TUT4: variants seen among roughly 807,000 people sequenced by gnomAD.
TUT4 encodes terminal uridylyltransferase 4.
In TUT4, 36 loss-of-function variants were observed where a neutral mutation model predicts 192.2. The observed-to-expected ratio is 0.19, with a 90% CI of 0.14 to 0.25. The LOEUF is 0.25. Among genes scored for constraint, TUT4 ranks in the 10% least tolerant of loss-of-function variants. TUT4 has a pLI of 1.00. For missense variants in TUT4, 1,493 were observed against 1,957.2 expected (o/e 0.76, Z 4.47); for synonymous variants, 618 against 666.0 (o/e 0.93, Z 1.11).
At chr1:52,494,751 C>A (rs1672054130) in intron 6 of TUT4, among the ~76,000 whole-genome samples, 1 of 152,002 alleles carries the variant, frequency 6.6e-6, no homozygotes, top group Non-Finnish European at 1.5e-5. Flanking sequence ...AATGTATCAC[C>A]CTACAAACAC....
intron 9 of TUT4, among the ~76,000 whole-genome samples, chr1:52,482,415 C>T (rs1282321636): frequency 6.6e-6 from 1 of 151,956 alleles, no homozygotes; most frequent in African/African-American, 2.4e-5. Flanking sequence ...CAAGAAAGTC[C>T]CTTTAAGTCA....
intron 2 of TUT4, among the ~76,000 whole-genome samples, chr1:52,517,445 G>T (rs893791950): frequency 3.3e-5 from 5 of 152,142 alleles, no homozygotes; most frequent in Non-Finnish European, 7.4e-5. Flanking sequence ...AAAATTGCAT[G>T]GCATTCTGTC....
chr1:52,451,197 TG>T, intron 20 of TUT4, among the ~76,000 whole-genome samples: 1 of 150,746 alleles, frequency 6.6e-6, no homozygotes. Context: ...ACCTGGGATG[TG>T]GAGCTTGCAG....
chr1:52,490,652 TTTTCTC>T, intron 8 of TUT4, 74 bp downstream of exon 8: 1 of 1,266,696 alleles, frequency 7.9e-7, no homozygotes, highest in South Asian at 1.5e-5. Context: ...AACAAAAACT[TTTTCTC>T]TTAAAGATCA....
chr1:52,504,716 ACTAT>A (rs543744707), intron 4 of TUT4, among the ~76,000 whole-genome samples: 129 of 152,206 alleles, frequency 8.5e-4, no homozygotes, highest in African/African-American at 2.9e-3. Flanking sequence ...CAAAATCAAA[ACTAT>A]CTATCAAGCA....
intron 20 of TUT4, among the ~76,000 whole-genome samples, chr1:52,452,610 A>G (rs1659760949): frequency 6.6e-6 from 1 of 152,212 alleles, no homozygotes; most frequent in African/African-American, 2.4e-5. Flanking sequence ...GTCTCGGTCC[A>G]AATAGCTTCT....
intron 1 of TUT4, among the ~76,000 whole-genome samples, chr1:52,533,190 T>C (rs1270534069): frequency 1.3e-5 from 2 of 152,170 alleles, no homozygotes; most frequent in Non-Finnish European, 2.9e-5. Flanking sequence ...TGGAACAAAC[T>C]ACTCATCTAG....
chr1:52,456,117 T>C (rs1422630372), intron 20 of TUT4, among the ~76,000 whole-genome samples: 3 of 151,876 alleles, frequency 2.0e-5, no homozygotes, highest in Non-Finnish European at 2.9e-5. Context: ...TAAAAAGAAA[T>C]GATAGGCCAG....
intron 4 of TUT4, among the ~76,000 whole-genome samples, chr1:52,505,080 T>G (rs1395470120): frequency 6.6e-6 from 1 of 152,236 alleles, no homozygotes; most frequent in East Asian, 1.9e-4. Flanking sequence ...TTTCAATTCT[T>G]TCAAGTGTAT....
intron 4 of TUT4, among the ~76,000 whole-genome samples, chr1:52,507,054 A>G (rs1402849965): frequency 1.3e-5 from 2 of 152,166 alleles, no homozygotes; most frequent in Admixed American, 6.5e-5. Flanking sequence ...TCTTCTGAGT[A>G]CTCTACCCAG....
chr1:52,429,153 G>A (rs1443619717), intron 28 of TUT4, among the ~76,000 whole-genome samples: 10 of 143,522 alleles, frequency 7.0e-5, no homozygotes, highest in African/African-American at 2.1e-4. Context: ...GCACGATCTC[G>A]GCTCACTGCA....
intron 20 of TUT4, among the ~76,000 whole-genome samples, chr1:52,457,275 C>G (rs1175617439): frequency 6.7e-6 from 1 of 150,318 alleles, no homozygotes; most frequent in Non-Finnish European, 1.5e-5. Context: ...CCCTCTCTGT[C>G]ACCAGGCTGG....
At chr1:52,511,007 G>T (rs1367397829) in intron 3 of TUT4, among the ~76,000 whole-genome samples, 1 of 152,154 alleles carries the variant, frequency 6.6e-6, no homozygotes, top group African/African-American at 2.4e-5. Context: ...ATTGATTTAT[G>T]ATATTCAACA....
chr1:52,476,301 A>C (rs1209203526), intron 12 of TUT4, among the ~76,000 whole-genome samples: 1 of 152,234 alleles, frequency 6.6e-6, no homozygotes, highest in African/African-American at 2.4e-5. Flanking sequence ...AAAGAGCAAA[A>C]AAGCAAGAAA....
chr1:52,431,949 C>G (rs1283144341), intron 27 of TUT4: 1 of 153,194 alleles, frequency 6.5e-6, no homozygotes, highest in Non-Finnish European at 1.5e-5. Flanking sequence ...CAGTGTACAG[C>G]TGTCCCTCAG....
chr1:52,545,057 C>CAA (rs1553238494), intron 1 of TUT4, among the ~76,000 whole-genome samples: 965 of 90,172 alleles, frequency 0.011, 10 homozygotes, highest in African/African-American at 0.03. Context: ...ACCTTGTCCC[C>CAA]AAAAAAAAAA....
intron 1 of TUT4, among the ~76,000 whole-genome samples, chr1:52,536,412 T>C (rs1249631978): frequency 1.3e-5 from 2 of 151,932 alleles, no homozygotes; most frequent in Non-Finnish European, 2.9e-5. Context: ...TATAATTCTA[T>C]AAAAAATCAA....
At chr1:52,476,673 A>C (rs1028703830) in intron 12 of TUT4, among the ~76,000 whole-genome samples, 2 of 152,208 alleles carry the variant, frequency 1.3e-5, no homozygotes, top group African/African-American at 2.4e-5. Flanking sequence ...AAGAAAAAAA[A>C]AGAGATAAAT....
At chr1:52,434,116 A>AACAAC (rs1652988381) in intron 27 of TUT4, 1 of 152,230 alleles carries the variant, frequency 6.6e-6, no homozygotes, top group African/African-American at 2.4e-5. Context: ...TAACTACATT[A>AACAAC]AATGTGATTA....
Sources: gnomAD v4.1 joint callset for allele counts (sites outside exome capture counted in the v4.1 genomes callset) on GRCh38, gnomAD v4.1.1 for gene constraint, MANE v1.5 for transcripts, NCBI Gene and HGNC (gene_info 2026-07-23, HGNC 2026-07-21) for gene names.